NTNG1: variants seen among roughly 807,000 people sequenced by gnomAD.
The protein encoded by NTNG1 is netrin-G1.
NTNG1 carries 16 observed loss-of-function variants against 54.0 expected under a neutral mutation model. That is an observed-to-expected ratio of 0.30 (90% confidence interval 0.20 to 0.45). The LOEUF is 0.45. Ranked by LOEUF, NTNG1 falls within the 20% of genes least tolerant of loss-of-function variation. The probability of loss-of-function intolerance (pLI) is 1.00; values close to 1 mark genes in which losing one functional copy is unlikely to be tolerated. For missense variants in NTNG1, 530 were observed against 678.7 expected (o/e 0.78, Z 2.43); for synonymous variants, 255 against 263.1 (o/e 0.97, Z 0.30).
chr1:107,222,863 C>G (rs1570895083), intron 2 of NTNG1, among the ~76,000 whole-genome samples: 1 of 132,744 alleles, frequency 7.5e-6, no homozygotes, highest in Non-Finnish European at 1.5e-5. Context: ...CAATTCAGAA[C>G]TCATTTAGGG....
chr1:107,246,349 A>T (rs994132533), intron 2 of NTNG1, among the ~76,000 whole-genome samples: 5 of 151,296 alleles, frequency 3.3e-5, no homozygotes, highest in Non-Finnish European at 7.4e-5. Context: ...TTATTTAATT[A>T]TTAGTAGTAG....
chr1:107,338,389 A>G (rs1668710109), intron 3 of NTNG1, among the ~76,000 whole-genome samples: 1 of 151,926 alleles, frequency 6.6e-6, no homozygotes, highest in Non-Finnish European at 1.5e-5. Context: ...CCTGAGTCCC[A>G]TAGCTCACTC....
chr1:107,418,946 T>G (rs1256314942), intron 5 of NTNG1, among the ~76,000 whole-genome samples: 8 of 151,978 alleles, frequency 5.3e-5, no homozygotes, highest in Admixed American at 5.3e-4. Context: ...AAACAAGACT[T>G]AAAAATGTGT....
intron 2 of NTNG1, among the ~76,000 whole-genome samples, chr1:107,244,489 CT>C (rs1662058357): frequency 6.6e-6 from 1 of 152,196 alleles, no homozygotes. Flanking sequence ...AATAGGCCCC[CT>C]TTTATTCCCT....
chr1:107,395,046 G>A (rs1287181656), intron 3 of NTNG1, 108 bp from the exon 4 acceptor site: 4 of 822,188 alleles, frequency 4.9e-6, no homozygotes, highest in Non-Finnish European at 8.0e-6. Flanking sequence ...AAATGCCTCT[G>A]TGTATCACTA....
intron 7 of NTNG1, among the ~76,000 whole-genome samples, chr1:107,446,265 A>T (rs1402398087): frequency 6.6e-6 from 1 of 152,098 alleles, no homozygotes; most frequent in African/African-American, 2.4e-5. Context: ...AAGATCACAG[A>T]CATAATCAGT....
At chr1:107,173,727 C>CTTTT (rs34761958) in intron 2 of NTNG1, among the ~76,000 whole-genome samples, 19 of 118,546 alleles carry the variant, frequency 1.6e-4, no homozygotes, top group African/African-American at 3.4e-4. Flanking sequence ...TTCTTTCTTT[C>CTTTT]TTTTTTTTTT....
chr1:107,260,274 C>G (rs1663224155), intron 2 of NTNG1, among the ~76,000 whole-genome samples: 2 of 152,278 alleles, frequency 1.3e-5, no homozygotes, highest in South Asian at 4.1e-4. Context: ...TTTGCCAATA[C>G]AAACTCTAAA....
intron 3 of NTNG1, among the ~76,000 whole-genome samples, chr1:107,393,943 A>G (rs1672518114): frequency 6.6e-6 from 1 of 152,050 alleles, no homozygotes; most frequent in African/African-American, 2.4e-5. Context: ...AAATACTATA[A>G]TATTTTTTGG....
intron 2 of NTNG1, among the ~76,000 whole-genome samples, chr1:107,253,367 T>C (rs1375779765): frequency 3.3e-5 from 5 of 152,092 alleles, no homozygotes; most frequent in African/African-American, 7.2e-5. Context: ...CTGATAACAT[T>C]TGAAATTATT....
chr1:107,456,433 T>C (rs1372413629), intron 7 of NTNG1, among the ~76,000 whole-genome samples: 1 of 152,158 alleles, frequency 6.6e-6, no homozygotes, highest in Admixed American at 6.5e-5. Context: ...TGCTATCTGA[T>C]TTTGGAGTCT....
chr1:107,404,340 T>C (rs950049141), intron 4 of NTNG1, among the ~76,000 whole-genome samples: 54 of 152,166 alleles, frequency 3.5e-4, no homozygotes, highest in African/African-American at 1.3e-3. Context: ...AACTGAGCTC[T>C]GAGTTTCATG....
At chr1:107,196,253 C>A (rs1557800182) in intron 2 of NTNG1, among the ~76,000 whole-genome samples, 1 of 151,982 alleles carries the variant, frequency 6.6e-6, no homozygotes, top group Non-Finnish European at 1.5e-5. Context: ...CCTCTTTTGA[C>A]TACCAGCTCT....
chr1:107,321,231 A>G (rs1570672015), intron 2 of NTNG1, among the ~76,000 whole-genome samples: 1 of 152,098 alleles, frequency 6.6e-6, no homozygotes, highest in Non-Finnish European at 1.5e-5. Flanking sequence ...GGAAGCAAGG[A>G]CTTGGATTTG....
intron 3 of NTNG1, among the ~76,000 whole-genome samples, chr1:107,392,827 G>A (rs1043499605): frequency 1.3e-5 from 2 of 152,074 alleles, no homozygotes; most frequent in African/African-American, 4.8e-5. Context: ...AGTATGAAAA[G>A]CCTTTAGTAA....
intron 2 of NTNG1, among the ~76,000 whole-genome samples, chr1:107,197,454 A>G (rs1658426664): frequency 1.3e-5 from 2 of 152,056 alleles, no homozygotes; most frequent in Admixed American, 1.3e-4. Flanking sequence ...TAATGAAATG[A>G]TATCTTTGAA....
intron 2 of NTNG1, among the ~76,000 whole-genome samples, chr1:107,162,795 C>T (rs1369257959): frequency 3.3e-5 from 5 of 151,920 alleles, no homozygotes; most frequent in African/African-American, 1.2e-4. Context: ...CCAAATTTAC[C>T]GTCTTCATTA....
chr1:107,195,212 T>A (rs546821204), intron 2 of NTNG1, among the ~76,000 whole-genome samples: 7 of 152,100 alleles, frequency 4.6e-5, no homozygotes, highest in Admixed American at 3.9e-4. Flanking sequence ...TCTTGATCTG[T>A]AAAATGAAGA....
At chr1:107,140,133 G>GCAGCACCAGCAA (rs1274340569), upstream of NTNG1, 8 of 154,602 alleles carry the variant, frequency 5.2e-5, no homozygotes, top group African/African-American at 1.9e-4. Flanking sequence ...TGCAGCCGGA[G>GCAGCACCAGCAA]CAGCACCAGC....
Sources: gnomAD v4.1 joint callset for allele counts (sites outside exome capture counted in the v4.1 genomes callset) on GRCh38, gnomAD v4.1.1 for gene constraint, MANE v1.5 for transcripts, NCBI Gene and HGNC (gene_info 2026-07-23, HGNC 2026-07-21) for gene names.